NPAS3: variants seen among roughly 807,000 people sequenced by gnomAD.
The protein encoded by NPAS3 is neuronal PAS domain-containing protein 3.
Under a neutral mutation model 73.1 loss-of-function variants are expected in NPAS3, and 14 were observed. That is an observed-to-expected ratio of 0.19 (90% CI 0.13 to 0.30). NPAS3 has a LOEUF of 0.30. Among genes scored for constraint, NPAS3 ranks in the 10% least tolerant of loss-of-function variants. The probability of loss-of-function intolerance (pLI) is 1.00; values close to 1 mark genes in which losing one functional copy is unlikely to be tolerated. For missense variants in NPAS3, 1,096 were observed against 1,250.0 expected, an observed-to-expected ratio of 0.88 and a Z score of 1.86; for synonymous variants, 620 against 541.5, an observed-to-expected ratio of 1.14 and a Z score of -2.01.
chr14:33,781,448 T>C (rs994712662), intron 9 of NPAS3, among the ~76,000 whole-genome samples: 6 of 152,244 alleles, frequency 3.9e-5, no homozygotes, highest in Non-Finnish European at 7.3e-5. Flanking sequence ...GTCTTGGTTG[T>C]GTAAACACTG....
downstream of NPAS3, chr14:33,801,266 CT>C: frequency 7.2e-7 from 1 of 1,390,430 alleles, no homozygotes; most frequent in Non-Finnish European, 9.5e-7. Flanking sequence ...TTTCACCTGA[CT>C]TATTCTTTCG....
At chr14:33,131,737 A>C (rs2043643366) in intron 2 of NPAS3, among the ~76,000 whole-genome samples, 1 of 152,170 alleles carries the variant, frequency 6.6e-6, no homozygotes, top group African/African-American at 2.4e-5. Flanking sequence ...ATATTTGATA[A>C]ATGCCTATTA....
intron 3 of NPAS3, among the ~76,000 whole-genome samples, chr14:33,273,814 C>T (rs1028391407): frequency 1.3e-5 from 2 of 152,118 alleles, no homozygotes; most frequent in African/African-American, 4.8e-5. Context: ...AAGTGCATGG[C>T]ATGTGGTAAG....
intron 4 of NPAS3, among the ~76,000 whole-genome samples, chr14:33,488,505 T>C (rs765721657): frequency 1.3e-5 from 2 of 152,192 alleles, no homozygotes; most frequent in Non-Finnish European, 2.9e-5. Context: ...AAATCTCATT[T>C]TAGGAACCCA....
intron 3 of NPAS3, among the ~76,000 whole-genome samples, chr14:33,216,036 AAGAC>A (rs1336201338): frequency 6.6e-6 from 1 of 152,196 alleles, no homozygotes; most frequent in African/African-American, 2.4e-5. Flanking sequence ...TCTGATGCCT[AAGAC>A]AGGTATTTTC....
chr14:33,580,031 C>T (rs1484369915), intron 5 of NPAS3, among the ~76,000 whole-genome samples: 1 of 152,082 alleles, frequency 6.6e-6, no homozygotes, highest in African/African-American at 2.4e-5. Context: ...ATGAACATAC[C>T]TTTGTTACTC....
intron 5 of NPAS3, among the ~76,000 whole-genome samples, chr14:33,571,301 T>A (rs1403773374): frequency 6.6e-6 from 1 of 152,180 alleles, no homozygotes; most frequent in Non-Finnish European, 1.5e-5. Flanking sequence ...TCAGGCTCCT[T>A]CTTCTTTAAA....
chr14:33,097,334 T>C (rs1221057167), intron 2 of NPAS3, among the ~76,000 whole-genome samples: 6 of 152,262 alleles, frequency 3.9e-5, no homozygotes, highest in African/African-American at 1.4e-4. Context: ...TGTTTGACTT[T>C]TGTTTTGCTC....
intron 3 of NPAS3, among the ~76,000 whole-genome samples, chr14:33,331,422 A>G (rs2043979661): frequency 6.6e-6 from 1 of 152,200 alleles, no homozygotes; most frequent in Non-Finnish European, 1.5e-5. Context: ...CATTACCATG[A>G]AAATAATATG....
intron 5 of NPAS3, among the ~76,000 whole-genome samples, chr14:33,590,535 G>A (rs1243954906): frequency 1.3e-5 from 2 of 152,138 alleles, no homozygotes. Context: ...AAACCCATGT[G>A]TTTTGCTCAT....
chr14:33,267,284 G>A (rs1035139029), intron 3 of NPAS3, among the ~76,000 whole-genome samples: 10 of 152,118 alleles, frequency 6.6e-5, no homozygotes, highest in Non-Finnish European at 1.5e-4. Flanking sequence ...TTTATGGTGT[G>A]AATTTTACTA....
chr14:33,342,568 G>T (rs1453534028), intron 3 of NPAS3, among the ~76,000 whole-genome samples: 1 of 152,226 alleles, frequency 6.6e-6, no homozygotes, highest in Non-Finnish European at 1.5e-5. Context: ...CATCTCAAGG[G>T]TGGTTTTGCA....
At chr14:32,962,440 C>G (rs530641820) in intron 1 of NPAS3, among the ~76,000 whole-genome samples, 2 of 151,830 alleles carry the variant, frequency 1.3e-5, no homozygotes, top group South Asian at 2.1e-4. Context: ...TAAATGGTAG[C>G]GTATTAAATG....
At chr14:33,147,952 C>G (rs1337808466) in intron 2 of NPAS3, among the ~76,000 whole-genome samples, 1 of 151,634 alleles carries the variant, frequency 6.6e-6, no homozygotes, top group Non-Finnish European at 1.5e-5. Flanking sequence ...AAATAAATTC[C>G]AATTCAAACT....
intron 6 of NPAS3, among the ~76,000 whole-genome samples, chr14:33,717,224 C>G (rs998787750): frequency 8.7e-6 from 1 of 114,314 alleles, no homozygotes; most frequent in African/African-American, 3.3e-5. Flanking sequence ...TCCATCTGAT[C>G]ATGGCCAAAA....
intron 4 of NPAS3, among the ~76,000 whole-genome samples, chr14:33,483,698 A>C (rs1239176686): frequency 6.6e-6 from 1 of 152,204 alleles, no homozygotes; most frequent in East Asian, 1.9e-4. Context: ...GAGACTGCTA[A>C]TGGAAACTAG....
At chr14:33,437,787 C>G (rs1008581642) in intron 4 of NPAS3, among the ~76,000 whole-genome samples, 2 of 152,112 alleles carry the variant, frequency 1.3e-5, no homozygotes, top group African/African-American at 4.8e-5. Flanking sequence ...AAGTAATGAC[C>G]ACAGCCAGGG....
At chr14:33,628,094 T>C (rs2140123127) in intron 5 of NPAS3, among the ~76,000 whole-genome samples, 1 of 152,368 alleles carries the variant, frequency 6.6e-6, no homozygotes, top group African/African-American at 2.4e-5. Context: ...TATGTTGCGT[T>C]GTGAAGCTAG....
intron 4 of NPAS3, among the ~76,000 whole-genome samples, chr14:33,409,765 G>A (rs1024858330): frequency 7.2e-5 from 11 of 152,154 alleles, no homozygotes; most frequent in African/African-American, 2.7e-4. Context: ...TTACTACAGA[G>A]AAGAGTAAGA....
Sources: gnomAD v4.1 joint callset for allele counts (sites outside exome capture counted in the v4.1 genomes callset) on GRCh38, gnomAD v4.1.1 for gene constraint, MANE v1.5 for transcripts, NCBI Gene and HGNC (gene_info 2026-07-23, HGNC 2026-07-21) for gene names.